The following DDAH1 variants were observed in gnomAD, a reference collection of about 807,000 sequenced individuals.
DDAH1 encodes the protein dimethylarginine dimethylaminohydrolase 1, also known as N(G),N(G)-dimethylarginine dimethylaminohydrolase 1.
DDAH1 carries 19 observed loss-of-function variants against 28.8 expected under a neutral mutation model. The observed-to-expected ratio is 0.66, with a 90% confidence interval of 0.46 to 0.97. DDAH1 has a LOEUF of 0.97. Ranked by LOEUF, DDAH1 falls within the 50% of genes least tolerant of loss-of-function variation. The pLI is 0.00. For missense variants in DDAH1, 326 were observed against 375.9 expected, an observed-to-expected ratio of 0.87 and a Z score of 1.10; for synonymous variants, 153 against 154.4, an observed-to-expected ratio of 0.99 and a Z score of 0.07.
chr1:85,547,179 G>A (rs530228512), intron 1 of DDAH1, among the ~76,000 whole-genome samples: 1 of 152,286 alleles, frequency 6.6e-6, no homozygotes, highest in Non-Finnish European at 1.5e-5. Context: ...GTGTTAGCAG[G>A]TTAGCAACTT....
intron 1 of DDAH1, among the ~76,000 whole-genome samples, chr1:85,452,931 A>G (rs1033210467): frequency 2.6e-5 from 4 of 152,188 alleles, no homozygotes; most frequent in Non-Finnish European, 5.9e-5. Context: ...CCACAATACC[A>G]CCAAGCATTC....
At chr1:85,470,555 C>T (rs766819906) in intron 2 of DDAH1, among the ~76,000 whole-genome samples, 1 of 152,200 alleles carries the variant, frequency 6.6e-6, no homozygotes, top group South Asian at 2.1e-4. Flanking sequence ...CCTTGTCCAA[C>T]CTAAGTGCTA....
intron 2 of DDAH1, among the ~76,000 whole-genome samples, chr1:85,472,525 G>A (rs993806771): frequency 8.5e-5 from 13 of 152,214 alleles, no homozygotes; most frequent in African/African-American, 1.7e-4. Flanking sequence ...TCCCCACACC[G>A]CTCTTATGCT....
chr1:85,519,449 A>G (rs1271943129), intron 1 of DDAH1, among the ~76,000 whole-genome samples: 1 of 152,220 alleles, frequency 6.6e-6, no homozygotes, highest in Non-Finnish European at 1.5e-5. Flanking sequence ...ACAGACTTGG[A>G]GTTTTAAAAA....
chr1:85,375,079 T>TTA (rs1414327550), intron 1 of DDAH1, among the ~76,000 whole-genome samples: 3 of 25,222 alleles, frequency 1.2e-4, no homozygotes, highest in African/African-American at 4.0e-4. Context: ...ACATCACAAT[T>TTA]CACAGTGTTT....
chr1:85,376,031 G>A (rs1197434781), intron 1 of DDAH1, among the ~76,000 whole-genome samples: 3 of 152,158 alleles, frequency 2.0e-5, no homozygotes, highest in East Asian at 1.9e-4. Flanking sequence ...AAGTGAGAAA[G>A]CAAAGGTTTT....
chr1:85,545,220 C>T (rs1198150157), intron 1 of DDAH1, among the ~76,000 whole-genome samples: 1 of 152,092 alleles, frequency 6.6e-6, no homozygotes, highest in African/African-American at 2.4e-5. Flanking sequence ...CTGAAAGAGT[C>T]AACCAACTCT....
chr1:85,465,330 A>G (rs1332915727), upstream of DDAH1: 7 of 536,736 alleles, frequency 1.3e-5, no homozygotes, highest in African/African-American at 1.4e-4. Context: ...GAGTGGGGCC[A>G]GGAGAGGCGG....
At chr1:85,389,827 TAGAG>T (rs1651457360) in intron 1 of DDAH1, among the ~76,000 whole-genome samples, 1 of 152,090 alleles carries the variant, frequency 6.6e-6, no homozygotes. Flanking sequence ...CAAAAAGTGT[TAGAG>T]AGGGAATTTT....
At chr1:85,482,485 C>T (rs1431918850) in intron 2 of DDAH1, 7 of 152,100 alleles carry the variant, frequency 4.6e-5, no homozygotes, top group Admixed American at 1.3e-4. Flanking sequence ...AAAACATGTT[C>T]GGACTGAGCC....
At chr1:85,476,375 C>T (rs1050845673) in intron 2 of DDAH1, among the ~76,000 whole-genome samples, 1 of 152,194 alleles carries the variant, frequency 6.6e-6, no homozygotes, top group South Asian at 2.1e-4. Context: ...TGGGGAAAAG[C>T]TTGTGTCTCT....
intron 2 of DDAH1, among the ~76,000 whole-genome samples, chr1:85,483,302 A>T (rs1656075130): frequency 6.6e-6 from 1 of 152,060 alleles, no homozygotes; most frequent in Non-Finnish European, 1.5e-5. Flanking sequence ...ATAAATCTGT[A>T]CAAAACTAGG....
chr1:85,393,190 A>G (rs1651641709), intron 1 of DDAH1, among the ~76,000 whole-genome samples: 2 of 152,224 alleles, frequency 1.3e-5, no homozygotes, highest in African/African-American at 2.4e-5. Flanking sequence ...TGTTCTGTAC[A>G]CTATGTATCA....
upstream of DDAH1, among the ~76,000 whole-genome samples, chr1:85,469,688 G>T (rs77415766): frequency 1.3e-3 from 205 of 152,154 alleles, 2 homozygotes; most frequent in African/African-American, 4.4e-3. Flanking sequence ...GAGAATTTGT[G>T]GCCTTCCTAG....
At chr1:85,500,102 CTCTT>C (rs1270672833) in intron 1 of DDAH1, among the ~76,000 whole-genome samples, 9 of 139,490 alleles carry the variant, frequency 6.5e-5, no homozygotes, top group African/African-American at 2.4e-4. Flanking sequence ...TCCCTCCTTC[CTCTT>C]TCTTTTCTTT....
chr1:85,374,160 T>C (rs2100893250), intron 1 of DDAH1, among the ~76,000 whole-genome samples: 1 of 152,254 alleles, frequency 6.6e-6, no homozygotes, highest in South Asian at 2.1e-4. Context: ...GAGTCTTTTT[T>C]GCTTGGGTTA....
At position 85,364,370 on chromosome 1, in the gene DDAH1, C is replaced by T. The variant is rs75439168; in HGVS notation, c.304-5523G>A. On this transcript the variant is annotated intron_variant, in intron 1 of 5. Coordinates refer to ENST00000284031, the MANE Select transcript of DDAH1 (RefSeq NM_012137.4). ...TAAATGAAATTTCTGTATATTAGGG[C>T]CTTAGGATGTTAAGTTATAGAGTGA... 9.9e-5 allele frequency among the ~76,000 whole-genome samples: 15 copies of T among 152,060 alleles called. No individual in the cohort carries two copies. In the East Asian group the frequency reaches 2.9e-3, roughly 29 times the overall value.
chr1:85,448,794 A>C (rs1262442720), intron 1 of DDAH1, among the ~76,000 whole-genome samples: 2 of 152,234 alleles, frequency 1.3e-5, no homozygotes, highest in African/African-American at 4.8e-5. Context: ...ATCACATTTT[A>C]ATCTGTTTAA....
intron 1 of DDAH1, among the ~76,000 whole-genome samples, chr1:85,538,952 A>G (rs566579683): frequency 1.3e-5 from 2 of 152,168 alleles, no homozygotes; most frequent in African/African-American, 2.4e-5. Flanking sequence ...TCAATGAGTT[A>G]TCTACAGCAT....
Sources: gnomAD v4.1 joint callset for allele counts (sites outside exome capture counted in the v4.1 genomes callset) on GRCh38, gnomAD v4.1.1 for gene constraint, MANE v1.5 for transcripts, NCBI Gene and HGNC (gene_info 2026-07-23, HGNC 2026-07-21) for gene names.